Variants in OR2W3 observed in about 807,000 individuals in gnomAD.
The protein encoded by OR2W3 is olfactory receptor 2W3.
For synonymous variants in OR2W3, 196 were observed against 168.2 expected (o/e 1.17, Z -1.28); for missense variants, 448 against 397.0 (o/e 1.13, Z -1.09).
rs953746310 is a variant in OR2W3 at position 247,896,486 on chromosome 1, A to G, written c.900A>G (p.Ala300=). The change falls in exon 1 of 1, where the codon GCA becomes GCG. Residue 300 remains alanine, a synonymous_variant. Transcript: ENST00000360358. ...TCAGAAACAGAGAGGTGAAGGGGGC[A>G]CTGGGAAGGTTGCTTCTGGGGAAGA... is the stretch of plus-strand genomic sequence containing the variant. ...YTLRNREVKG[A]LGRLLLGKRE... The G allele has an allele frequency of 3.1e-6, 5 of 1,613,422 alleles. No individual in the cohort carries two copies. The African/African-American group carries it at 6.7e-5, about 22-fold the overall frequency.
Position 247,895,665 on chromosome 1 carries a change from C to T in OR2W3, c.79C>T (p.Leu27Phe), listed in dbSNP as rs766660661. The T allele has an allele frequency of 3.1e-6, 5 of 1,614,018 alleles. No individual in the cohort carries two copies. Among genetic ancestry groups the T allele is most frequent in the Non-Finnish European group, 4.2e-6 (5 of 1,179,954 alleles). The change falls in exon 1 of 1, where the codon CTC becomes TTC. Residue 27 changes from leucine (L) to phenylalanine (F), a missense_variant. Leu to Phe is a conservative substitution (Grantham distance 22). Transcript: ENST00000360358. ...FSDRPHLERI[L>F]FVVILIAYLL... ...TGACCGACCCCATCTGGAGAGGATC[C>T]TCTTTGTGGTCATCCTGATCGCGTA...
In OR2W3 at chr1:247,896,519, A is replaced by C; in HGVS notation, c.933A>C (p.Leu311=). ...LGRLLLGKRE[L]GKE is the part of the protein sequence containing the mutation. ...GGTTGCTTCTGGGGAAGAGAGAGCTAGGAAAGGAGTAAAGGCATCTCCACC... is the reference window on the plus strand; with the variant it reads ...GGTTGCTTCTGGGGAAGAGAGAGCTCGGAAAGGAGTAAAGGCATCTCCACC... Residue 311 remains leucine, a synonymous_variant, in exon 1 of 1, where the codon CTA becomes CTC. Transcript: ENST00000360358. 6.2e-7 allele frequency: 1 copy of C among 1,607,172 alleles called. No homozygotes were observed. The highest frequency in any genetic ancestry group is 1.1e-5 in the South Asian group (1 of 90,276).
rs1659604874 is a variant in OR2W3 at position 247,896,156 on chromosome 1, C to T, written c.570C>T (p.Val190=). Residue 190 remains valine (V), a synonymous_variant, in exon 1 of 1, where the codon GTC becomes GTT. Transcript: ENST00000360358. Reference sequence around the variant, plus strand: ...CCGCCCTGATCCGGATGGCCTGCGTCAGCACTGTGGCCATCGAAGGCACCG... The same window carrying T: ...CCGCCCTGATCCGGATGGCCTGCGTTAGCACTGTGGCCATCGAAGGCACCG... ...EMPALIRMAC[V]STVAIEGTVF... The T allele has an allele frequency of 6.2e-7, 1 of 1,614,046 alleles. No individual in the cohort carries two copies. Among genetic ancestry groups the T allele is most frequent in the African/African-American group, 1.3e-5 (1 of 74,950 alleles).
In OR2W3 at chr1:247,896,105, G is replaced by T. The variant is rs751277019; in HGVS notation, c.519G>T (p.Glu173Asp). The part of the protein sequence containing the change: ...TLRLPRCGHH[E>D]VDHFLREMPA... Reference sequence around the variant, plus strand: ...GCTTACCCCGCTGTGGGCACCACGAGGTGGACCACTTCCTGCGTGAGATGC... The same window carrying T: ...GCTTACCCCGCTGTGGGCACCACGATGTGGACCACTTCCTGCGTGAGATGC... The change falls in exon 1 of 1, where the codon GAG (glutamate) becomes GAT (aspartate). Residue 173 changes from glutamate (E) to aspartate (D), a missense_variant. By Grantham distance (45) the Glu-to-Asp change is conservative. Coordinates refer to ENST00000360358, the MANE Select transcript of OR2W3 (RefSeq NM_001001957.2). 2 of 1,614,188 alleles carry T rather than the reference G, an allele frequency of 1.2e-6. No individual in the cohort carries two copies. The highest frequency in any genetic ancestry group is 2.2e-5 in the South Asian group (2 of 91,084).
At position 247,895,658 on chromosome 1, in the gene OR2W3, G is replaced by C; in HGVS notation, c.72G>C (p.Glu24Asp). The C allele has an allele frequency of 6.2e-7, 1 of 1,614,026 alleles. No individual in the cohort carries two copies. Among genetic ancestry groups the C allele is most frequent in the Non-Finnish European group, 8.5e-7 (1 of 1,179,962 alleles). ...GATTCTCTGACCGACCCCATCTGGAGAGGATCCTCTTTGTGGTCATCCTGA... is the reference window on the plus strand; with the variant it reads ...GATTCTCTGACCGACCCCATCTGGACAGGATCCTCTTTGTGGTCATCCTGA... ...LLGFSDRPHL[E>D]RILFVVILIA... The change falls in exon 1 of 1, where the codon GAG becomes GAC. Residue 24 changes from glutamate to aspartate, a missense_variant. Transcript: ENST00000360358.
In OR2W3 at chr1:247,895,649, C is replaced by G. The variant is rs1659591531; in HGVS notation, c.63C>G (p.Pro21=). Residue 21 remains proline (P), a synonymous_variant, in exon 1 of 1, where the codon CCC becomes CCG. Coordinates refer to ENST00000360358, the MANE Select transcript of OR2W3 (RefSeq NM_001001957.2). The part of the protein sequence containing the change: ...HFILLGFSDR[P]HLERILFVVI... ...TCCTACTGGGATTCTCTGACCGACC[C>G]CATCTGGAGAGGATCCTCTTTGTGG... The G allele has an allele frequency of 6.2e-7, 1 of 1,613,868 alleles. No individual in the cohort carries two copies. Among genetic ancestry groups the G allele is most frequent in the South Asian group, 1.1e-5 (1 of 91,076 alleles).
chr1:247,895,748 C>T lies in OR2W3; in HGVS notation c.162C>T (p.His54=). The T allele has an allele frequency of 1.9e-6, 3 of 1,613,994 alleles. No individual in the cohort carries two copies. The highest frequency in any genetic ancestry group is 2.5e-6 in the Non-Finnish European group (3 of 1,179,960). Residue 54 remains histidine (H), a synonymous_variant, in exon 1 of 1, where the codon CAC becomes CAT. Coordinates refer to ENST00000360358, the MANE Select transcript of OR2W3 (RefSeq NM_001001957.2). ...TCCTGGTGTCCCGGCTGGACCCCCA[C>T]CTCCACACCCCCATGTACTTCTTCC... ...TIILVSRLDP[H]LHTPMYFFLA... is the part of the protein sequence containing the mutation.
chr1:247,895,807 C>T lies in OR2W3; in HGVS notation c.221C>T (p.Thr74Ile). 6.2e-7 allele frequency: 1 copy of T among 1,613,918 alleles called. No homozygotes were observed. Among genetic ancestry groups the T allele is most frequent in the Non-Finnish European group, 8.5e-7 (1 of 1,179,802 alleles). The change falls in exon 1 of 1, where the codon ACC becomes ATC. Residue 74 changes from threonine (T) to isoleucine (I), a missense_variant. Physicochemically the swap from Thr to Ile is moderately conservative, Grantham distance 89. Transcript: ENST00000360358. ...AHLSFLDLSF[T>I]TSSIPQLLYN... is the part of the protein sequence containing the mutation. ...CTTTCCTTCCTGGACCTCAGTTTCA[C>T]CACCAGCTCCATCCCCCAGCTGCTC...
chr1:247,896,188 T>G lies in OR2W3; in HGVS notation c.602T>G (p.Val201Gly). 1 of 1,614,126 alleles carries G rather than the reference T, an allele frequency of 6.2e-7. No individual in the cohort carries two copies. The highest frequency in any genetic ancestry group is 8.5e-7 in the Non-Finnish European group (1 of 1,179,952). ...STVAIEGTVFVLAVGVVLSPL... is the reference protein window; with the variant it reads ...STVAIEGTVFGLAVGVVLSPL... ...GTGGCCATCGAAGGCACCGTCTTTG[T>G]CCTGGCGGTGGGTGTTGTGCTGTCC... The change falls in exon 1 of 1, where the codon GTC (valine) becomes GGC (glycine). Residue 201 changes from valine to glycine, a missense_variant. Physicochemically the swap from Val to Gly is moderately radical, Grantham distance 109. Coordinates refer to ENST00000360358, the MANE Select transcript of OR2W3 (RefSeq NM_001001957.2).
rs775528980 is a variant in OR2W3 at position 247,896,493 on chromosome 1, AG to A, written c.909del (p.Arg303SerfsTer9). 6.2e-7 allele frequency: 1 copy of A among 1,613,422 alleles called. No individual in the cohort carries two copies. Among genetic ancestry groups the A allele is most frequent in the Non-Finnish European group, 8.5e-7 (1 of 1,179,638 alleles). ...CAGAGAGGTGAAGGGGGCACTGGGA[AG>A]GTTGCTTCTGGGGAAGAGAGAGCTA... Reference protein sequence around the residue: ...RNREVKGALGRLLLGKRELGK... With the variant: ...RNREVKGALGXLLLGKRELGK... On this transcript the variant is annotated frameshift_variant, in exon 1 of 1. Coordinates refer to ENST00000360358, the MANE Select transcript of OR2W3 (RefSeq NM_001001957.2). LOFTEE classifies it low-confidence loss of function (END_TRUNC).
chr1:247,895,900 T>TGG lies in OR2W3; in HGVS notation c.316_317dup (p.Leu107ValfsTer29). ...TGTGCCATCCAGCTCTTCCTGTTCC[T>TGG]GGGTCTGGGTGGTGTGGAGTGCCTG... On this transcript the variant is annotated frameshift_variant, in exon 1 of 1. Coordinates refer to ENST00000360358, the MANE Select transcript of OR2W3 (RefSeq NM_001001957.2). LOFTEE classifies it low-confidence loss of function (END_TRUNC). 3 of 1,614,144 alleles carry TGG rather than the reference T, an allele frequency of 1.9e-6. No individual in the cohort carries two copies. Among genetic ancestry groups the TGG allele is most frequent in the Non-Finnish European group, 2.5e-6 (3 of 1,179,980 alleles).
Position 247,896,402 on chromosome 1 carries a change from G to A in OR2W3, c.816G>A (p.Met272Ile). The change falls in exon 1 of 1, where the codon ATG (methionine) becomes ATA (isoleucine). Residue 272 changes from methionine (M) to isoleucine (I), a missense_variant. Coordinates refer to ENST00000360358, the MANE Select transcript of OR2W3 (RefSeq NM_001001957.2). ...PGASSSQDQGMFLMLFYNIVT... is the reference protein window; with the variant it reads ...PGASSSQDQGIFLMLFYNIVT... Reference sequence around the variant, plus strand: ...CCAGTTCTTCCCAGGACCAGGGCATGTTCCTCATGCTCTTCTACAACATTG... The same window carrying A: ...CCAGTTCTTCCCAGGACCAGGGCATATTCCTCATGCTCTTCTACAACATTG... 6.2e-7 allele frequency: 1 copy of A among 1,613,902 alleles called. No homozygotes were observed. The highest frequency in any genetic ancestry group is 1.1e-5 in the South Asian group (1 of 91,070).
rs201862438 is a variant in OR2W3 at position 247,895,905 on chromosome 1, C to T, written c.319C>T (p.Leu107=). The change falls in exon 1 of 1, where the codon CTG becomes TTG. Residue 107 remains leucine (L), a synonymous_variant. Transcript: ENST00000360358. ...CAIQLFLFLG[L]GGVECLLLAV... ...CATCCAGCTCTTCCTGTTCCTGGGT[C>T]TGGGTGGTGTGGAGTGCCTGCTTCT... 21 of 1,614,122 alleles carry T rather than the reference C, an allele frequency of 1.3e-5. No individual in the cohort carries two copies. In the South Asian group the frequency reaches 2.0e-4, roughly 15 times the overall value.
Position 247,895,848 on chromosome 1 carries a change from T to C in OR2W3, c.262T>C (p.Cys88Arg), listed in dbSNP as rs61748698. The change falls in exon 1 of 1, where the codon TGT becomes CGT. Residue 88 changes from cysteine to arginine, a missense_variant. Transcript: ENST00000360358. ...CCAGCTGCTCTACAACCTTAATGGA[T>C]GTGACAAGACCATCAGCTACATGGG... Reference protein sequence around the residue: ...IPQLLYNLNGCDKTISYMGCA... With the variant: ...IPQLLYNLNGRDKTISYMGCA... 4.7e-3 allele frequency: 7,548 copies of C among 1,614,010 alleles called. 288 individuals carry two copies. The African/African-American group carries it at 0.089, about 19-fold the overall frequency.
In OR2W3 at chr1:247,896,035, G is replaced by T; in HGVS notation, c.449G>T (p.Gly150Val). 6.2e-7 allele frequency: 1 copy of T among 1,613,840 alleles called. No individual in the cohort carries two copies. Among genetic ancestry groups the T allele is most frequent in the Non-Finnish European group, 8.5e-7 (1 of 1,179,844 alleles). Reference protein sequence around the residue: ...LCRGLVSVTWGCGVANSLAMS... With the variant: ...LCRGLVSVTWVCGVANSLAMS... Reference sequence around the variant, plus strand: ...CGGGGCTTGGTGTCAGTGACCTGGGGCTGTGGGGTGGCCAACTCCTTGGCC... The same window carrying T: ...CGGGGCTTGGTGTCAGTGACCTGGGTCTGTGGGGTGGCCAACTCCTTGGCC... The change falls in exon 1 of 1, where the codon GGC becomes GTC. Residue 150 changes from glycine to valine, a missense_variant. By Grantham distance (109) the Gly-to-Val change is moderately radical. Coordinates refer to ENST00000360358, the MANE Select transcript of OR2W3 (RefSeq NM_001001957.2).
In OR2W3 at chr1:247,895,743, C is replaced by A. The variant is rs113762641; in HGVS notation, c.157C>A (p.Pro53Thr). Residue 53 changes from proline to threonine, a missense_variant, in exon 1 of 1, where the codon CCC becomes ACC. Pro to Thr is a conservative substitution (Grantham distance 38, BLOSUM62 -1). Coordinates refer to ENST00000360358, the MANE Select transcript of OR2W3 (RefSeq NM_001001957.2). ...TTIILVSRLD[P>T]HLHTPMYFFL... ...CATCATCCTGGTGTCCCGGCTGGAC[C>A]CCCACCTCCACACCCCCATGTACTT... The A allele has an allele frequency of 8.7e-4, 1,401 of 1,613,800 alleles. 8 individuals carry two copies. In the African/African-American group the frequency reaches 0.016, roughly 19 times the overall value.
In OR2W3 at chr1:247,896,246, C is replaced by T; in HGVS notation, c.660C>T (p.Tyr220=). 3.7e-6 allele frequency: 6 copies of T among 1,614,184 alleles called. No individual in the cohort carries two copies. Among genetic ancestry groups the T allele is most frequent in the South Asian group, 1.1e-5 (1 of 91,080 alleles). Residue 220 remains tyrosine, a synonymous_variant, in exon 1 of 1, where the codon TAC becomes TAT. Transcript: ENST00000360358. ...TGTTTATCCTGCTCTCTTACAGCTA[C>T]ATTGTGAGGGCTGTGTTACAAATTC... ...PLVFILLSYS[Y]IVRAVLQIRS... is the part of the protein sequence containing the mutation.
rs1160205684 is a variant in OR2W3, at chr1:247,895,604, C to A, written c.18C>A (p.Gly6=). ...CAGTAGAGATGGATGGAACCAATGG[C>A]AGCACCCAAACCCATTTCATCCTAC... is the stretch of plus-strand genomic sequence containing the variant. MDGTN[G]STQTHFILLG... is the part of the protein sequence containing the mutation. Residue 6 remains glycine (G), a synonymous_variant, in exon 1 of 1, where the codon GGC becomes GGA. Coordinates refer to ENST00000360358, the MANE Select transcript of OR2W3 (RefSeq NM_001001957.2). 6.2e-7 allele frequency: 1 copy of A among 1,609,042 alleles called. No individual in the cohort carries two copies. The highest frequency in any genetic ancestry group is 1.1e-5 in the South Asian group (1 of 90,558).
rs61756679 is a variant in OR2W3, at chr1:247,896,181, G to A, written c.595G>A (p.Val199Ile). ...CAGCACTGTGGCCATCGAAGGCACC[G>A]TCTTTGTCCTGGCGGTGGGTGTTGT... ...CVSTVAIEGTVFVLAVGVVLS... is the reference protein window; with the variant it reads ...CVSTVAIEGTIFVLAVGVVLS... The change falls in exon 1 of 1, where the codon GTC becomes ATC. Residue 199 changes from valine to isoleucine, a missense_variant. Physicochemically the swap from Val to Ile is conservative, Grantham distance 29 (BLOSUM62 3). Coordinates refer to ENST00000360358, the MANE Select transcript of OR2W3 (RefSeq NM_001001957.2). 2,693 of 1,614,134 alleles carry A rather than the reference G, an allele frequency of 1.7e-3. 31 individuals are homozygous for A. In the African/African-American group the frequency reaches 0.027, roughly 16 times the overall value.
Sources: allele counts gnomAD v4.1 joint callset, GRCh38; gene constraint gnomAD v4.1.1; transcripts MANE v1.5; gene names NCBI Gene and HGNC (gene_info 2026-07-23, HGNC 2026-07-21).